The following DLGAP1 variants were observed in gnomAD, a reference collection of about 807,000 sequenced individuals.
The protein encoded by DLGAP1 is disks large-associated protein 1.
A neutral mutation model predicts 90.8 loss-of-function variants in DLGAP1; 11 were observed. That is an observed-to-expected ratio of 0.12 (90% CI 0.08 to 0.20). The LOEUF (loss-of-function observed/expected upper bound fraction) is 0.20. Among genes scored for constraint, DLGAP1 ranks in the 10% least tolerant of loss-of-function variants. DLGAP1 has a pLI of 1.00. For missense variants in DLGAP1, 1,050 were observed against 1,333.8 expected (o/e 0.79, Z 3.31); for synonymous variants, 558 against 540.7 (o/e 1.03, Z -0.44).
intron 2 of DLGAP1, among the ~76,000 whole-genome samples, chr18:4,009,309 G>A (rs2074371674): frequency 6.6e-6 from 1 of 152,158 alleles, no homozygotes; most frequent in African/African-American, 2.4e-5. Context: ...TTTCCCGTCT[G>A]GCATCACTAA....
chr18:3,586,692 C>T (rs1349622825), intron 7 of DLGAP1, among the ~76,000 whole-genome samples: 2 of 152,192 alleles, frequency 1.3e-5, no homozygotes, highest in African/African-American at 2.4e-5. Context: ...AGTTCCCCTT[C>T]TTCATTTTCC....
chr18:4,170,360 G>A (rs1056864422), intron 1 of DLGAP1, among the ~76,000 whole-genome samples: 3 of 152,144 alleles, frequency 2.0e-5, no homozygotes, highest in Non-Finnish European at 4.4e-5. Flanking sequence ...GGTCGGACAT[G>A]TTAAGTTTTA....
chr18:4,103,093 G>A (rs375036094), intron 2 of DLGAP1, among the ~76,000 whole-genome samples: 15 of 152,256 alleles, frequency 9.9e-5, no homozygotes, highest in African/African-American at 2.4e-4. Flanking sequence ...GATACTTGGC[G>A]GAGAAAGTGT....
intron 5 of DLGAP1, among the ~76,000 whole-genome samples, chr18:3,807,583 C>T (rs2066626583): frequency 6.6e-6 from 1 of 152,088 alleles, no homozygotes; most frequent in Non-Finnish European, 1.5e-5. Context: ...AATATCCCTC[C>T]TACTTAAAAA....
At chr18:3,874,710 C>T in intron 4 of DLGAP1, 2 of 1,533,944 alleles carry the variant, frequency 1.3e-6, no homozygotes, top group Non-Finnish European at 1.7e-6. Flanking sequence ...AATCCATGTT[C>T]CTGCTCCCAA....
chr18:3,532,255 T>A (rs1375354208), intron 10 of DLGAP1, among the ~76,000 whole-genome samples: 3 of 152,178 alleles, frequency 2.0e-5, no homozygotes, highest in Non-Finnish European at 4.4e-5. Flanking sequence ...GGACTCATCA[T>A]GTTAAACTCT....
intron 2 of DLGAP1, among the ~76,000 whole-genome samples, chr18:4,113,044 C>G (rs2076001433): frequency 6.6e-6 from 1 of 151,020 alleles, no homozygotes; most frequent in Non-Finnish European, 1.5e-5. Flanking sequence ...CATGTCTTCG[C>G]TATTGTAAAT....
At chr18:3,880,875 G>A (rs1281028055) in intron 3 of DLGAP1, among the ~76,000 whole-genome samples, 2 of 148,870 alleles carry the variant, frequency 1.3e-5, no homozygotes, top group African/African-American at 2.5e-5. Context: ...CCTGGGAGGC[G>A]GAGCTTGCAG....
chr18:3,963,687 T>C (rs949047972), intron 3 of DLGAP1, among the ~76,000 whole-genome samples: 1 of 151,966 alleles, frequency 6.6e-6, no homozygotes, highest in Non-Finnish European at 1.5e-5. Flanking sequence ...ATTGATTCTT[T>C]GTTTCCATTG....
intron 3 of DLGAP1, among the ~76,000 whole-genome samples, chr18:3,944,759 T>A (rs2072843647): frequency 6.6e-6 from 1 of 152,192 alleles, no homozygotes; most frequent in Admixed American, 6.5e-5. Flanking sequence ...GAATCACTAC[T>A]TTGTTGAGAG....
At chr18:3,905,195 A>G (rs542452824) in intron 3 of DLGAP1, among the ~76,000 whole-genome samples, 8 of 151,082 alleles carry the variant, frequency 5.3e-5, no homozygotes, top group African/African-American at 1.9e-4. Context: ...GTGAAACCCC[A>G]TCTCTACTAA....
At chr18:4,064,460 G>T (rs1021316325) in intron 2 of DLGAP1, among the ~76,000 whole-genome samples, 12 of 151,290 alleles carry the variant, frequency 7.9e-5, no homozygotes, top group Non-Finnish European at 1.5e-4. Context: ...GACCAACAAA[G>T]AAAAAAAGAG....
chr18:4,309,673 T>C (rs1178769281), intron 1 of DLGAP1, among the ~76,000 whole-genome samples: 6 of 152,162 alleles, frequency 3.9e-5, no homozygotes, highest in Non-Finnish European at 8.8e-5. Context: ...AGCAACATGA[T>C]GTCTTAGAGA....
intron 1 of DLGAP1, among the ~76,000 whole-genome samples, chr18:4,446,775 T>C (rs1394114269): frequency 1.3e-5 from 2 of 152,128 alleles, no homozygotes; most frequent in Non-Finnish European, 1.5e-5. Context: ...TGGAGATAAC[T>C]GAAATGCCTA....
chr18:3,906,918 G>A (rs1051285821), intron 3 of DLGAP1, among the ~76,000 whole-genome samples: 4 of 151,988 alleles, frequency 2.6e-5, no homozygotes, highest in African/African-American at 7.3e-5. Flanking sequence ...AAACATTAGC[G>A]AATGAATATA....
chr18:4,451,964 T>C (rs957243868), intron 1 of DLGAP1, among the ~76,000 whole-genome samples: 6 of 152,134 alleles, frequency 3.9e-5, no homozygotes, highest in African/African-American at 1.4e-4. Flanking sequence ...TTAGCCTTCT[T>C]ATTTCAATGG....
At chr18:3,559,019 A>G (rs1455961990) in intron 9 of DLGAP1, among the ~76,000 whole-genome samples, 4 of 152,212 alleles carry the variant, frequency 2.6e-5, no homozygotes, top group African/African-American at 9.6e-5. Flanking sequence ...CATCCTATTT[A>G]TAGCATTCTG....
rs984649548 is a variant in DLGAP1 at position 3,786,281 on chromosome 18, T to C, written c.1172+27778A>G. Among the ~76,000 whole-genome samples, 6 of 152,326 alleles carry C rather than the reference T, an allele frequency of 3.9e-5. No homozygotes were observed. The South Asian group carries it at 1.2e-3, about 32-fold the overall frequency. ...CATCCACAGAGGTCAAAGGCTGAGATAATTCAAATGCATTATTTTGCACCA... is the reference window on the plus strand; with the variant it reads ...CATCCACAGAGGTCAAAGGCTGAGACAATTCAAATGCATTATTTTGCACCA... On this transcript the variant is annotated intron_variant, in intron 5 of 12. Transcript: ENST00000315677.
At chr18:4,278,441 C>T (rs2079468280) in intron 1 of DLGAP1, among the ~76,000 whole-genome samples, 1 of 152,174 alleles carries the variant, frequency 6.6e-6, no homozygotes, top group Admixed American at 6.5e-5. Flanking sequence ...AGCCCTCCCA[C>T]TCTCCTACTC....
Sources: gnomAD v4.1 joint callset for allele counts (sites outside exome capture counted in the v4.1 genomes callset) on GRCh38, gnomAD v4.1.1 for gene constraint, MANE v1.5 for transcripts, NCBI Gene and HGNC (gene_info 2026-07-23, HGNC 2026-07-21) for gene names.